Variants in MAPK8 observed in about 807,000 individuals in gnomAD.
MAPK8 encodes JUN N-terminal kinase.
Under a neutral mutation model 52.9 loss-of-function variants are expected in MAPK8, and 13 were observed. The ratio of observed to expected loss-of-function variants is 0.25; its 90% CI spans 0.16 to 0.39. The LOEUF (loss-of-function observed/expected upper bound fraction) is 0.39. Among genes scored for constraint, MAPK8 ranks in the 10% least tolerant of loss-of-function variants. MAPK8 has a pLI of 1.00. For missense variants in MAPK8, 300 were observed against 519.2 expected (o/e 0.58, Z 4.10); for synonymous variants, 191 against 169.8 (o/e 1.12, Z -0.97).
chr10:48,389,890 C>T (rs1370589917), intron 1 of MAPK8, among the ~76,000 whole-genome samples: 1 of 151,982 alleles, frequency 6.6e-6, no homozygotes, highest in Non-Finnish European at 1.5e-5. Context: ...TCAAGTAAGG[C>T]ATCTCTGAGG....
intron 1 of MAPK8, among the ~76,000 whole-genome samples, chr10:48,333,824 G>A (rs1015850426): frequency 7.9e-5 from 12 of 152,242 alleles, no homozygotes; most frequent in Non-Finnish European, 2.9e-5. Context: ...GAAATCCTAA[G>A]GCCAAACAGT....
chr10:48,367,118 G>A (rs969964299), intron 1 of MAPK8, among the ~76,000 whole-genome samples: 10 of 152,180 alleles, frequency 6.6e-5, no homozygotes, highest in South Asian at 4.1e-4. Flanking sequence ...GTGTAGTAGC[G>A]CAGCACTTTG....
chr10:48,416,271 A>G (rs968200262), intron 5 of MAPK8, among the ~76,000 whole-genome samples: 12 of 152,198 alleles, frequency 7.9e-5, no homozygotes, highest in Non-Finnish European at 1.5e-4. Context: ...GGAAAGAGAA[A>G]GCCAAGTGAT....
intron 5 of MAPK8, among the ~76,000 whole-genome samples, chr10:48,413,449 T>C (rs1161100425): frequency 6.6e-6 from 1 of 152,152 alleles, no homozygotes; most frequent in Non-Finnish European, 1.5e-5. Context: ...TACCAACACT[T>C]TTATTTTTTT....
chr10:48,349,528 A>G (rs1457830231), intron 1 of MAPK8, among the ~76,000 whole-genome samples: 3 of 152,198 alleles, frequency 2.0e-5, no homozygotes, highest in Non-Finnish European at 4.4e-5. Context: ...CTACTGGGTA[A>G]ATAATGAAAT....
intron 3 of MAPK8, among the ~76,000 whole-genome samples, chr10:48,405,753 C>T (rs1045693873): frequency 7.2e-5 from 11 of 152,172 alleles, no homozygotes; most frequent in African/African-American, 1.9e-4. Context: ...AAAGACATTT[C>T]GTAGTGTTTG....
At chr10:48,317,113 G>C (rs753990719) in intron 1 of MAPK8, among the ~76,000 whole-genome samples, 2 of 152,150 alleles carry the variant, frequency 1.3e-5, no homozygotes, top group African/African-American at 2.4e-5. Context: ...TGGTGATCTT[G>C]TTGGGTGGTT....
chr10:48,363,090 G>C (rs1392409615), intron 1 of MAPK8, among the ~76,000 whole-genome samples: 2 of 152,054 alleles, frequency 1.3e-5, no homozygotes, highest in African/African-American at 4.8e-5. Context: ...AGACTGGAGT[G>C]CAGTAGCTAT....
intron 1 of MAPK8, among the ~76,000 whole-genome samples, chr10:48,386,726 G>C (rs1376002156): frequency 6.6e-6 from 1 of 152,146 alleles, no homozygotes; most frequent in Admixed American, 6.5e-5. Context: ...TACTTTCGGA[G>C]GCCAAGGCAG....
chr10:48,424,284 T>C (rs2043538315), intron 7 of MAPK8, 125 bp downstream of exon 7: 12 of 902,420 alleles, frequency 1.3e-5, no homozygotes, highest in East Asian at 7.7e-5. Context: ...TTGTGGCTAT[T>C]ATAGTTCAAA....
chr10:48,322,010 T>C (rs182725568), intron 1 of MAPK8, among the ~76,000 whole-genome samples: 43 of 152,344 alleles, frequency 2.8e-4, no homozygotes, highest in African/African-American at 9.9e-4. Context: ...ACCTATGGTG[T>C]CTCCCCATTA....
intron 1 of MAPK8, among the ~76,000 whole-genome samples, chr10:48,355,951 T>C (rs576835593): frequency 6.6e-6 from 1 of 152,306 alleles, no homozygotes; most frequent in Non-Finnish European, 1.5e-5. Context: ...AATAAAAATC[T>C]AGAATTTTAT....
intron 2 of MAPK8, 50 bp from the exon 3 acceptor site, chr10:48,404,802 C>T: frequency 1.4e-6 from 2 of 1,481,326 alleles, no homozygotes; most frequent in East Asian, 2.3e-5. Flanking sequence ...ATTCAGTTTA[C>T]AGATTTTTGC....
intron 7 of MAPK8, chr10:48,424,548 A>G: frequency 6.2e-7 from 1 of 1,603,712 alleles, no homozygotes; most frequent in South Asian, 1.1e-5. Flanking sequence ...TCATGGGAGA[A>G]ATGATCAAAG....
Position 48,380,712 on chromosome 10 carries a change from G to A in MAPK8, c.-49-20900G>A, listed in dbSNP as rs541077792. 2.6e-4 allele frequency among the ~76,000 whole-genome samples: 40 copies of A among 152,292 alleles called. 1 individual carries two copies. The highest frequency in any genetic ancestry group is 8.7e-4 in the African/African-American group (36 of 41,556). On this transcript the variant is annotated intron_variant, in intron 1 of 11. Transcript: ENST00000374189. ...CACGCCAGTGCGCTCCAGCATGGGC[G>A]ACAGAGCAGGGCTCCCATCTAAAAA...
chr10:48,403,850 G>A (rs919371576), intron 2 of MAPK8, among the ~76,000 whole-genome samples: 1 of 151,184 alleles, frequency 6.6e-6, no homozygotes, highest in Non-Finnish European at 1.5e-5. Context: ...CCGGGTTCAC[G>A]CCATTCTCCC....
chr10:48,321,532 A>G (rs926482521), intron 1 of MAPK8, among the ~76,000 whole-genome samples: 4 of 152,192 alleles, frequency 2.6e-5, no homozygotes, highest in African/African-American at 9.7e-5. Context: ...AAGAAATCCA[A>G]TGTATTTGTT....
rs71026206 is a variant in MAPK8 at position 48,320,211 on chromosome 10, C to CTTTTTTTTTTTTTTTT, written c.-50+13407_-50+13422dup. Among the ~76,000 whole-genome samples, 4 of 35,322 alleles carry CTTTTTTTTTTTTTTTT rather than the reference C, an allele frequency of 1.1e-4. 1 individual carries two copies. Among genetic ancestry groups the CTTTTTTTTTTTTTTTT allele is most frequent in the Admixed American group, 6.1e-4 (1 of 1,628 alleles). The allele number at this position is 35,322 out of a possible 152,430, so 23.2% of individuals were successfully genotyped here. On this transcript the variant is annotated intron_variant, in intron 1 of 11. Coordinates refer to ENST00000374189, the MANE Select transcript of MAPK8 (RefSeq NM_001323329.2). ...TTTCAGGTGTGAGCCACTGCTCGGC[C>CTTTTTTTTTTTTTTTT]TTTTTTTTTTTTTTTTTTTTTTTTT...
chr10:48,377,371 T>A (rs963427420), intron 1 of MAPK8, among the ~76,000 whole-genome samples: 23 of 138,518 alleles, frequency 1.7e-4, no homozygotes, highest in African/African-American at 5.9e-4. Flanking sequence ...AAAAAAAAAA[T>A]ACATTTCTTG....
Sources: gnomAD v4.1 joint callset for allele counts (sites outside exome capture counted in the v4.1 genomes callset) on GRCh38, gnomAD v4.1.1 for gene constraint, MANE v1.5 for transcripts, NCBI Gene and HGNC (gene_info 2026-07-23, HGNC 2026-07-21) for gene names.